Variants in PSMG2 observed in about 807,000 individuals in gnomAD.
The protein encoded by PSMG2 is proteasome assembly chaperone 2.
Under a neutral mutation model 31.5 loss-of-function variants are expected in PSMG2, and 21 were observed. The observed-to-expected ratio is 0.67, with a 90% CI of 0.47 to 0.96. The LOEUF (loss-of-function observed/expected upper bound fraction) is 0.96, where lower values mean the gene tolerates loss of function less well. Among genes scored for constraint, PSMG2 ranks in the 40% least tolerant of loss-of-function variants. The pLI, the probability that PSMG2 is intolerant of heterozygous loss-of-function variation, is 0.00. For missense variants in PSMG2, 318 were observed against 321.2 expected (o/e 0.99, Z 0.08); for synonymous variants, 120 against 110.4 (o/e 1.09, Z -0.54).
chr18:12,669,937 C>T lies in PSMG2; in HGVS notation c.-37+11164C>T, dbSNP rs557802805. Among the ~76,000 whole-genome samples the T allele has an allele frequency of 8.6e-5, 13 of 151,278 alleles. No individual in the cohort carries two copies. The East Asian group carries it at 2.3e-3, about 27-fold the overall frequency. ...ACTTGAACCCAGGAGGCGGAGGTTGCGGTGAGCCGAGATTGCACCATTGCA... is the reference window on the plus strand; with the variant it reads ...ACTTGAACCCAGGAGGCGGAGGTTGTGGTGAGCCGAGATTGCACCATTGCA... On this transcript the variant is annotated intron_variant, in intron 1 of 6. Transcript: ENST00000585331.
rs771514458 is a variant in PSMG2 at position 12,706,725 on chromosome 18, T to C, written c.229+4T>C. The C allele has an allele frequency of 6.3e-7, 1 of 1,592,276 alleles. No individual in the cohort carries two copies. The highest frequency in any genetic ancestry group is 8.6e-7 in the Non-Finnish European group (1 of 1,165,014). On this transcript the variant is annotated splice_donor_region_variant and intron_variant, in intron 2 of 6. Coordinates refer to ENST00000317615, the MANE Select transcript of PSMG2 (RefSeq NM_020232.5). ...GAACTTAGCATAAATGCTGAAGGTATGTAAGACTTTACCTTGTATTTTTCC... is the reference window on the plus strand; with the variant it reads ...GAACTTAGCATAAATGCTGAAGGTACGTAAGACTTTACCTTGTATTTTTCC...
At chr18:12,682,053 A>T (rs913067051) in intron 1 of PSMG2, among the ~76,000 whole-genome samples, 1 of 152,154 alleles carries the variant, frequency 6.6e-6, no homozygotes, top group African/African-American at 2.4e-5. Flanking sequence ...TGTGAAAAAA[A>T]TTACCAAGAT....
chr18:12,722,667 A>G (rs1254163522), intron 5 of PSMG2, among the ~76,000 whole-genome samples: 1 of 147,782 alleles, frequency 6.8e-6, no homozygotes. Context: ...CCCTGAAGAA[A>G]CAATATTTAA....
At chr18:12,716,390 ATT>A (rs552921643) in intron 3 of PSMG2, among the ~76,000 whole-genome samples, 10 of 130,352 alleles carry the variant, frequency 7.7e-5, no homozygotes, top group Admixed American at 1.6e-4. Flanking sequence ...TAAAGAGTGA[ATT>A]TTTTTTTTTT....
chr18:12,707,225 T>C (rs2040277922), intron 2 of PSMG2, among the ~76,000 whole-genome samples: 1 of 152,332 alleles, frequency 6.6e-6, no homozygotes, highest in African/African-American at 2.4e-5. Flanking sequence ...TCCAAAGTGC[T>C]GGGATTACAG....
At chr18:12,701,182 A>T, upstream of PSMG2, 1 of 1,184,040 alleles carries the variant, frequency 8.4e-7, no homozygotes, top group South Asian at 1.4e-5. Flanking sequence ...TGAAGTTTTA[A>T]GGTTCTCCAG....
rs1435593929 is a variant in PSMG2 at position 12,724,431 on chromosome 18, A to C, written c.582-68A>C. On this transcript the variant is annotated intron_variant, in intron 5 of 6. Transcript: ENST00000317615. ...CAGGTAGGTTATCGTAGCTGTAAAA[A>C]CAGACACACTAGAGTCAGCTCTTGT... 7.8e-6 allele frequency: 11 copies of C among 1,416,114 alleles called. No individual in the cohort carries two copies. The African/African-American group carries it at 1.5e-4, about 19-fold the overall frequency. The allele number at this position is 1,416,114 out of a possible 1,614,324, so 87.7% of individuals were successfully genotyped here. A position where few individuals can be genotyped will look rare whatever the true frequency, so the allele number is the denominator to read the frequency against.
upstream of PSMG2, chr18:12,698,862 A>G (rs1240044660): frequency 1.4e-6 from 1 of 724,660 alleles, no homozygotes; most frequent in Non-Finnish European, 2.3e-6. Flanking sequence ...GTGGGAAACA[A>G]AATAGAGATT....
intron 1 of PSMG2, chr18:12,658,826 CA>C: frequency 3.1e-6 from 1 of 322,320 alleles, no homozygotes; most frequent in Non-Finnish European, 6.3e-6. Flanking sequence ...TGACTTCTCC[CA>C]AAAGCTAAAC....
Position 12,708,799 on chromosome 18 carries a change from G to A in PSMG2, c.229+2078G>A, listed in dbSNP as rs190148111. Among the ~76,000 whole-genome samples, 1,244 of 131,560 alleles carry A rather than the reference G, an allele frequency of 9.5e-3. 26 individuals are homozygous for A. The highest frequency in any genetic ancestry group is 0.033 in the African/African-American group (1,144 of 34,550). The allele number at this position is 131,560 out of a possible 152,430, so 86.3% of individuals were successfully genotyped here. A position where few individuals can be genotyped will look rare whatever the true frequency, so the allele number is the denominator to read the frequency against. ...CGGCTCACTGCCACCTCTGCCTCCC[G>A]GGTTCAAGCGATTCTCCTGCCTCAG... On this transcript the variant is annotated intron_variant, in intron 2 of 6. Coordinates refer to ENST00000317615, the MANE Select transcript of PSMG2 (RefSeq NM_020232.5).
intron 1 of PSMG2, among the ~76,000 whole-genome samples, chr18:12,676,279 C>CTTTTTTTTT (rs1157897766): frequency 9.4e-6 from 1 of 106,406 alleles, no homozygotes; most frequent in Non-Finnish European, 1.9e-5. Flanking sequence ...ACAGTAATTC[C>CTTTTTTTTT]TTTTTTTTTT....
upstream of PSMG2, chr18:12,703,013 C>A: frequency 2.8e-6 from 4 of 1,421,874 alleles, no homozygotes; most frequent in South Asian, 3.8e-5. Flanking sequence ...CCTCCCGCGC[C>A]CCGCGAGGCT....
Position 12,671,606 on chromosome 18 carries a change from T to C in PSMG2, c.-37+12833T>C, listed in dbSNP as rs74356286. Reference sequence around the variant, plus strand: ...TTAACACTTTTTTTAATATATAAAATTTTAAAATAAGTTGAGGAATCAGGT... The same window carrying C: ...TTAACACTTTTTTTAATATATAAAACTTTAAAATAAGTTGAGGAATCAGGT... On this transcript the variant is annotated intron_variant, in intron 1 of 6. Transcript: ENST00000585331. Among the ~76,000 whole-genome samples, 1,378 of 150,700 alleles carry C rather than the reference T, an allele frequency of 9.1e-3. 30 individuals carry two copies. Among genetic ancestry groups the C allele is most frequent in the African/African-American group, 0.032 (1,330 of 41,222 alleles).
chr18:12,702,933 C>A (rs1439841586), upstream of PSMG2: 5 of 716,692 alleles, frequency 7.0e-6, no homozygotes, highest in East Asian at 6.4e-5. Context: ...CCGGCGGCCT[C>A]TTTCCGCCCT....
intron 3 of PSMG2, among the ~76,000 whole-genome samples, chr18:12,714,668 A>AT (rs1446129600): frequency 2.0e-5 from 3 of 149,070 alleles, no homozygotes; most frequent in Admixed American, 2.0e-4. Flanking sequence ...TAATTTTTGT[A>AT]TTTTTTTGTA....
chr18:12,694,717 T>C (rs545328712), intron 1 of PSMG2, among the ~76,000 whole-genome samples: 1 of 149,888 alleles, frequency 6.7e-6, no homozygotes, highest in African/African-American at 2.4e-5. Context: ...TCTTTTTTTT[T>C]TTTTCTTTTT....
At position 12,694,098 on chromosome 18, in the gene PSMG2, G is replaced by A. The variant is rs1207032408; in HGVS notation, c.-36-12452G>A. Among the ~76,000 whole-genome samples the A allele has an allele frequency of 2.6e-5, 4 of 152,168 alleles. No homozygotes were observed. In the East Asian group the frequency reaches 7.7e-4, roughly 29 times the overall value. ...GATCCACCCACCTTAGCCTCCCACAGGGCTGGGTATTTATTTGAGTAACAT... is the reference window on the plus strand; with the variant it reads ...GATCCACCCACCTTAGCCTCCCACAAGGCTGGGTATTTATTTGAGTAACAT... On this transcript the variant is annotated intron_variant, in intron 1 of 6. Coordinates refer to the PSMG2 transcript ENST00000585331.
chr18:12,678,355 AAC>A (rs2039219899), intron 1 of PSMG2: 1 of 1,614,004 alleles, frequency 6.2e-7, no homozygotes, highest in Admixed American at 1.7e-5. Context: ...GATGGTTGAA[AAC>A]ACAACCAATT....
chr18:12,679,686 G>A (rs2039276922), intron 1 of PSMG2, among the ~76,000 whole-genome samples: 1 of 152,150 alleles, frequency 6.6e-6, no homozygotes, highest in African/African-American at 2.4e-5. Context: ...CCAACGTGGA[G>A]ATGGTAACCA....
Sources: allele counts gnomAD v4.1 joint callset (sites outside exome capture counted in the v4.1 genomes callset), GRCh38; gene constraint gnomAD v4.1.1; transcripts MANE v1.5; gene names NCBI Gene and HGNC (gene_info 2026-07-23, HGNC 2026-07-21).